The following VSTM4 variants were observed in gnomAD, a reference collection of about 807,000 sequenced individuals.
The protein encoded by VSTM4 is V-set and transmembrane domain-containing protein 4.
VSTM4 carries 20 observed loss-of-function variants against 36.4 expected under a neutral mutation model. The observed-to-expected ratio is 0.55, with a 90% CI of 0.39 to 0.80. The LOEUF (loss-of-function observed/expected upper bound fraction) is 0.80, where lower values mean the gene tolerates loss of function less well. Among genes scored for constraint, VSTM4 ranks in the 30% least tolerant of loss-of-function variants. The pLI is 0.00. For missense variants in VSTM4, 392 were observed against 404.5 expected, an observed-to-expected ratio of 0.97 and a Z score of 0.26; for synonymous variants, 182 against 173.9, an observed-to-expected ratio of 1.05 and a Z score of -0.37.
At chr10:49,068,811 G>T (rs1206432828) in intron 4 of VSTM4, among the ~76,000 whole-genome samples, 1 of 152,096 alleles carries the variant, frequency 6.6e-6, no homozygotes, top group Non-Finnish European at 1.5e-5. Flanking sequence ...GCCAATAAAG[G>T]GTGCGTAATG....
chr10:49,115,344 T>A, intron 1 of VSTM4, 87 bp downstream of exon 1: 1 of 887,568 alleles, frequency 1.1e-6, no homozygotes, highest in Non-Finnish European at 1.3e-6. Flanking sequence ...TGGCAGGGCC[T>A]CCCCACCAGG....
chr10:49,100,583 A>T lies in VSTM4; in HGVS notation c.457+7011T>A, dbSNP rs540931923. Among the ~76,000 whole-genome samples, 17 of 149,372 alleles carry T rather than the reference A, an allele frequency of 1.1e-4. 1 individual carries two copies. The highest frequency in any genetic ancestry group is 6.4e-4 in the South Asian group (3 of 4,702). On this transcript the variant is annotated intron_variant, in intron 2 of 7. Transcript: ENST00000332853. The stretch of plus-strand genomic sequence containing the variant: ...AAAAAAATTGTACTGAAAGACATTT[A>T]AAAAAAAAACCCTGACTACATGAAG...
At chr10:49,112,663 C>A (rs1056888841) in intron 1 of VSTM4, among the ~76,000 whole-genome samples, 6 of 152,178 alleles carry the variant, frequency 3.9e-5, no homozygotes, top group Non-Finnish European at 5.9e-5. Context: ...GCACACAGGA[C>A]CCCATGGTTG....
chr10:49,068,164 G>T (rs1844007337), intron 4 of VSTM4, among the ~76,000 whole-genome samples: 1 of 152,142 alleles, frequency 6.6e-6, no homozygotes, highest in South Asian at 2.1e-4. Flanking sequence ...ACCATTCTCA[G>T]AGACACTGGG....
At chr10:49,098,032 C>T (rs1008657992) in intron 2 of VSTM4, among the ~76,000 whole-genome samples, 2 of 152,112 alleles carry the variant, frequency 1.3e-5, no homozygotes, top group African/African-American at 2.4e-5. Context: ...TTCAGTATGC[C>T]CTGGACACTC....
At chr10:49,104,796 CAGAG>C (rs1844735248) in intron 2 of VSTM4, among the ~76,000 whole-genome samples, 1 of 141,440 alleles carries the variant, frequency 7.1e-6, no homozygotes, top group South Asian at 2.2e-4. Flanking sequence ...GAGAGACACA[CAGAG>C]AGATAGAGAG....
chr10:49,075,278 G>A (rs907279400), intron 4 of VSTM4, among the ~76,000 whole-genome samples: 11 of 152,208 alleles, frequency 7.2e-5, no homozygotes, highest in African/African-American at 2.7e-4. Context: ...CCTGCAGCCA[G>A]TGCAGACTCT....
chr10:49,096,559 CAGA>C (rs1738756399), intron 2 of VSTM4, among the ~76,000 whole-genome samples: 1 of 151,500 alleles, frequency 6.6e-6, no homozygotes, highest in Admixed American at 6.6e-5. Context: ...TATTTTGGCT[CAGA>C]AGGTTAGACT....
At chr10:49,055,677 G>T (rs1376035953) in intron 5 of VSTM4, among the ~76,000 whole-genome samples, 1 of 152,190 alleles carries the variant, frequency 6.6e-6, no homozygotes, top group African/African-American at 2.4e-5. Flanking sequence ...AACACACAAA[G>T]TCAATTGGTT....
intron 3 of VSTM4, 42 bp from the exon 4 acceptor site, chr10:49,077,368 C>G: frequency 6.3e-7 from 1 of 1,584,646 alleles, no homozygotes; most frequent in Non-Finnish European, 8.7e-7. Context: ...CTTCTGGGGG[C>G]CGCAGCAGAA....
intron 2 of VSTM4, among the ~76,000 whole-genome samples, chr10:49,104,478 G>T (rs1323272984): frequency 6.6e-6 from 1 of 152,254 alleles, no homozygotes; most frequent in Non-Finnish European, 1.5e-5. Context: ...CCAGCCTGGG[G>T]CGGACAAGCT....
intron 4 of VSTM4, among the ~76,000 whole-genome samples, chr10:49,068,515 A>C (rs1844014776): frequency 6.6e-6 from 1 of 152,176 alleles, no homozygotes; most frequent in Admixed American, 6.5e-5. Context: ...GGCAGCATGT[A>C]TGTGGGGTTG....
At chr10:49,026,851 C>T (rs1247862985) in intron 7 of VSTM4, among the ~76,000 whole-genome samples, 1 of 152,216 alleles carries the variant, frequency 6.6e-6, no homozygotes, top group East Asian at 1.9e-4. Flanking sequence ...CGTTTCTTTA[C>T]ATTGCACATC....
chr10:49,110,644 A>C (rs548480962), intron 1 of VSTM4, among the ~76,000 whole-genome samples: 1 of 152,148 alleles, frequency 6.6e-6, no homozygotes, highest in East Asian at 1.9e-4. Context: ...AAATAAAGTC[A>C]TTAAGCTGGG....
At chr10:49,061,349 G>T (rs1449508551) in intron 5 of VSTM4, among the ~76,000 whole-genome samples, 1 of 151,968 alleles carries the variant, frequency 6.6e-6, no homozygotes, top group Non-Finnish European at 1.5e-5. Context: ...AAAAATAATT[G>T]TTTTTTTACT....
At chr10:49,074,364 T>C (rs1404104258) in intron 4 of VSTM4, among the ~76,000 whole-genome samples, 1 of 152,186 alleles carries the variant, frequency 6.6e-6, no homozygotes, top group African/African-American at 2.4e-5. Context: ...GGGATAGAGG[T>C]AAGAAGAACA....
intron 3 of VSTM4, among the ~76,000 whole-genome samples, chr10:49,082,185 C>T (rs1365641156): frequency 6.6e-6 from 1 of 152,200 alleles, no homozygotes; most frequent in Non-Finnish European, 1.5e-5. Context: ...CCCAGTGGTG[C>T]CAGATCTTCC....
chr10:49,110,006 C>A (rs1590141657), intron 1 of VSTM4, among the ~76,000 whole-genome samples: 1 of 152,226 alleles, frequency 6.6e-6, no homozygotes, highest in Admixed American at 6.5e-5. Context: ...GTGAGGAATG[C>A]AGCAGCTGGG....
intron 7 of VSTM4, among the ~76,000 whole-genome samples, chr10:49,024,150 C>T (rs1042500825): frequency 1.3e-5 from 2 of 152,170 alleles, no homozygotes; most frequent in African/African-American, 4.8e-5. Context: ...ACCTAACCTG[C>T]TGTTACTCCT....
Sources: allele counts gnomAD v4.1 joint callset (sites outside exome capture counted in the v4.1 genomes callset), GRCh38; gene constraint gnomAD v4.1.1; transcripts MANE v1.5; gene names NCBI Gene and HGNC (gene_info 2026-07-23, HGNC 2026-07-21).